Variants in PGM3 observed in about 807,000 individuals in gnomAD.
PGM3 encodes phosphoglucomutase 3, also known as phosphoacetylglucosamine mutase.
PGM3 carries 40 observed loss-of-function variants against 66.2 expected under a neutral mutation model. That is an observed-to-expected ratio of 0.60 (90% CI 0.47 to 0.79). PGM3 has a LOEUF of 0.79. Ranked by LOEUF, PGM3 falls within the 30% of genes least tolerant of loss-of-function variation. The pLI is 0.00. For missense variants in PGM3, 537 were observed against 643.4 expected (o/e 0.83, Z 1.79); for synonymous variants, 191 against 224.2 (o/e 0.85, Z 1.32).
chr6:83,165,315 A>G lies in PGM3; in HGVS notation c.*3919T>C, dbSNP rs1442195489. Reference sequence around the variant, plus strand: ...AAGCTAAATAATTGCTAGGAAGCAAACTTAAGTGATAGCTGTTAAGTTTTT... The same window carrying G: ...AAGCTAAATAATTGCTAGGAAGCAAGCTTAAGTGATAGCTGTTAAGTTTTT... On this transcript the variant is annotated 3_prime_UTR_variant, in exon 13 of 13. Transcript: ENST00000513973. The G allele has an allele frequency of 6.6e-6, 1 of 152,456 alleles. No individual in the cohort carries two copies. Among genetic ancestry groups the G allele is most frequent in the Non-Finnish European group, 1.5e-5 (1 of 68,232 alleles). 9.4% of individuals were successfully genotyped at this position (152,456 alleles called of 1,614,324 possible).
At chr6:83,176,394 T>G (rs1787773245) in intron 8 of PGM3, among the ~76,000 whole-genome samples, 1 of 152,196 alleles carries the variant, frequency 6.6e-6, no homozygotes, top group African/African-American at 2.4e-5. Flanking sequence ...TTGCAAGCTT[T>G]TTCTGTAACA....
downstream of PGM3, chr6:83,159,949 T>G: frequency 1.2e-6 from 2 of 1,614,112 alleles, no homozygotes; most frequent in Non-Finnish European, 1.7e-6. Context: ...AAAACCTTCC[T>G]CAGTTTCAGA....
chr6:83,180,958 T>A (rs2128496358), intron 6 of PGM3, among the ~76,000 whole-genome samples: 1 of 152,316 alleles, frequency 6.6e-6, no homozygotes, highest in Non-Finnish European at 1.5e-5. Flanking sequence ...ATTTTCTGAT[T>A]TTGGTAAAGA....
At position 83,166,243 on chromosome 6, in the gene PGM3, T is replaced by C. The variant is rs929100887; in HGVS notation, c.*2991A>G. On this transcript the variant is annotated 3_prime_UTR_variant, in exon 13 of 13. Transcript: ENST00000513973. ...CCGAACGACCATAAAATGGTCAACA[T>C]TGAGTTCTTGGGCAGCTCTCTTATA... 4 of 522,214 alleles carry C rather than the reference T, an allele frequency of 7.7e-6. No homozygotes were observed. The highest frequency in any genetic ancestry group is 7.0e-5 in the South Asian group (2 of 28,516). The allele number at this position is 522,214 out of a possible 1,614,324, so 32.3% of individuals were successfully genotyped here. A position where few individuals can be genotyped will look rare whatever the true frequency, so the allele number is the denominator to read the frequency against.
At chr6:83,153,719 C>A in the PGM3 span, 1 of 1,192,468 alleles carries the variant, frequency 8.4e-7, no homozygotes, top group Non-Finnish European at 1.2e-6. Context: ...CATAAAATGG[C>A]ATTTTTACCT....
At chr6:83,176,090 C>A in intron 8 of PGM3, 30 bp from the exon 9 acceptor site, 1 of 1,192,134 alleles carries the variant, frequency 8.4e-7, no homozygotes, top group Non-Finnish European at 1.3e-6. Flanking sequence ...AGAAATACAG[C>A]AATTACTCAG....
chr6:83,164,210 G>GA (rs1334900359), downstream of PGM3, among the ~76,000 whole-genome samples: 4 of 150,588 alleles, frequency 2.7e-5, no homozygotes, highest in African/African-American at 9.8e-5. Context: ...ATGGAATGAA[G>GA]AAAGTGATTA....
chr6:83,191,977 A>C (rs1386221038), intron 1 of PGM3, among the ~76,000 whole-genome samples: 2 of 149,232 alleles, frequency 1.3e-5, no homozygotes, highest in Non-Finnish European at 3.0e-5. Flanking sequence ...AAAAAAAAAA[A>C]AAAAACAGGC....
chr6:83,191,050 A>G, intron 1 of PGM3, 36 bp from the exon 2 acceptor site: 1 of 1,585,506 alleles, frequency 6.3e-7, no homozygotes, highest in South Asian at 1.1e-5. Flanking sequence ...GGGCATAACA[A>G]GTAATTTCTT....
intron 10 of PGM3, 101 bp from the exon 11 acceptor site, chr6:83,172,160 C>T (rs1306352064): frequency 2.5e-6 from 3 of 1,193,718 alleles, no homozygotes; most frequent in Non-Finnish European, 3.6e-6. Flanking sequence ...GGTTGAACAA[C>T]CTGAATCTGA....
At position 83,167,854 on chromosome 6, in the gene PGM3, T is replaced by A; in HGVS notation, c.*1380A>T. On this transcript the variant is annotated 3_prime_UTR_variant, in exon 13 of 13. Coordinates refer to ENST00000513973, the MANE Select transcript of PGM3 (RefSeq NM_015599.3). The stretch of plus-strand genomic sequence containing the variant: ...TATTAATACCAGTTCACTTTTTGTT[T>A]TCTGCAGAAAAATCCAGAGGAAGAC... 1 of 1,596,244 alleles carries A rather than the reference T, an allele frequency of 6.3e-7. No homozygotes were observed. Among genetic ancestry groups the A allele is most frequent in the Middle Eastern group, 1.7e-4 (1 of 5,950 alleles).
chr6:83,169,452 A>C (rs758073787), intron 12 of PGM3, 129 bp from the exon 13 acceptor site: 26 of 1,088,984 alleles, frequency 2.4e-5, no homozygotes, highest in Non-Finnish European at 2.9e-5. Context: ...AACAAATTCT[A>C]ATGAAAACCT....
rs1176947063 is a variant in PGM3, at chr6:83,168,391, T to G, written c.*843A>C. On this transcript the variant is annotated 3_prime_UTR_variant, in exon 13 of 13. Coordinates refer to ENST00000513973, the MANE Select transcript of PGM3 (RefSeq NM_015599.3). ...TTATGGTGCCTAAGAGAGCTATATA[T>G]ATACACATGTAAAGTCCATTGTTTT... 2 of 1,301,872 alleles carry G rather than the reference T, an allele frequency of 1.5e-6. No individual in the cohort carries two copies. Among genetic ancestry groups the G allele is most frequent in the African/African-American group, 1.5e-5 (1 of 66,778 alleles). 80.6% of individuals were successfully genotyped at this position (1,301,872 alleles called of 1,614,324 possible).
chr6:83,192,206 A>G (rs983529417), intron 1 of PGM3, among the ~76,000 whole-genome samples: 3 of 152,098 alleles, frequency 2.0e-5, no homozygotes, highest in South Asian at 2.1e-4. Flanking sequence ...TGGAGGTCGC[A>G]GTGAGCCGAG....
chr6:83,169,679 A>G (rs1407384131), intron 12 of PGM3: 9 of 463,438 alleles, frequency 1.9e-5, no homozygotes, highest in Non-Finnish European at 3.9e-5. Flanking sequence ...ATGGATATTC[A>G]TTAGACTCTG....
chr6:83,151,860 G>A, the PGM3 span: 24 of 1,611,172 alleles, frequency 1.5e-5, no homozygotes, highest in Non-Finnish European at 2.0e-5. Context: ...ACCATACATA[G>A]TTGTTCTTCC....
At chr6:83,175,866 C>G in intron 9 of PGM3, 96 bp downstream of exon 9, 1 of 652,146 alleles carries the variant, frequency 1.5e-6, no homozygotes, top group East Asian at 2.6e-5. Flanking sequence ...ATTATTTCAA[C>G]AAAGTACAAT....
At chr6:83,162,829 A>G (rs1464900705), downstream of PGM3, 5 of 1,613,520 alleles carry the variant, frequency 3.1e-6, no homozygotes, top group South Asian at 1.1e-5. Flanking sequence ...CAGATGATTC[A>G]GGTTTGGAAG....
the PGM3 span, among the ~76,000 whole-genome samples, chr6:83,149,072 A>C: frequency 1.3e-5 from 2 of 151,908 alleles, no homozygotes; most frequent in African/African-American, 4.9e-5. Flanking sequence ...ATGTTTATAC[A>C]TATACAAAAT....
Sources: gnomAD v4.1 joint callset for allele counts (sites outside exome capture counted in the v4.1 genomes callset) on GRCh38, gnomAD v4.1.1 for gene constraint, MANE v1.5 for transcripts, NCBI Gene and HGNC (gene_info 2026-07-23, HGNC 2026-07-21) for gene names.